Variants in MAST2 observed in about 807,000 individuals in gnomAD.
MAST2 encodes the protein microtubule associated serine/threonine kinase 2, also known as microtubule-associated serine/threonine-protein kinase 2.
Under a neutral mutation model 147.4 loss-of-function variants are expected in MAST2, and 70 were observed. The ratio of observed to expected loss-of-function variants is 0.47; its 90% confidence interval spans 0.39 to 0.58. The LOEUF is 0.58. MAST2 is among the 20% of genes least tolerant of loss of function. The probability of loss-of-function intolerance (pLI) is 0.00; values close to 1 mark genes in which losing one functional copy is unlikely to be tolerated. For synonymous variants in MAST2, 869 were observed against 896.8 expected, an observed-to-expected ratio of 0.97 and a Z score of 0.55; for missense variants, 2,080 against 2,302.3, an observed-to-expected ratio of 0.90 and a Z score of 1.98.
intron 4 of MAST2, among the ~76,000 whole-genome samples, chr1:45,899,307 CTTTTTTTTTTTT>C (rs770069959): frequency 1.9e-5 from 2 of 108,030 alleles, no homozygotes; most frequent in African/African-American, 7.2e-5. Flanking sequence ...CCTTTCTTTT[CTTTTTTTTTTTT>C]TTTTTTTTAG....
At chr1:46,018,414 G>T (rs764863309) in intron 10 of MAST2, among the ~76,000 whole-genome samples, 1 of 152,072 alleles carries the variant, frequency 6.6e-6, no homozygotes, top group Admixed American at 6.6e-5. Flanking sequence ...TTGGTTGCAC[G>T]TAATAGAAAC....
intron 3 of MAST2, among the ~76,000 whole-genome samples, chr1:45,868,510 A>G (rs1646252222): frequency 1.3e-5 from 2 of 152,046 alleles, no homozygotes; most frequent in African/African-American, 4.8e-5. Context: ...ACTAAATTGT[A>G]TAGTATTTTT....
At chr1:45,927,720 C>T (rs1000221842) in intron 4 of MAST2, among the ~76,000 whole-genome samples, 3 of 152,032 alleles carry the variant, frequency 2.0e-5, no homozygotes, top group Non-Finnish European at 4.4e-5. Flanking sequence ...GGTCCTGAAG[C>T]GACATGCATC....
chr1:46,023,576 T>TCA lies in MAST2; in HGVS notation c.1572-195_1572-194dup. 1 of 628,072 alleles carries TCA rather than the reference T, an allele frequency of 1.6e-6. No homozygotes were observed. Among genetic ancestry groups the TCA allele is most frequent in the South Asian group, 2.0e-5 (1 of 50,716 alleles). 38.9% of individuals were successfully genotyped at this position (628,072 alleles called of 1,614,324 possible). A position where few individuals can be genotyped will look rare whatever the true frequency, so the allele number is the denominator to read the frequency against. ...AGCTCTGGGGAAGCATTGAGCCGTG[T>TCA]CATCAGGACATGGTCTATCAAGAAG... On this transcript the variant is annotated intron_variant, in intron 14 of 28. Coordinates refer to ENST00000361297, the MANE Select transcript of MAST2 (RefSeq NM_015112.3). This position sits in a 1 kb window ranked among gnomAD's most constrained non-coding sequence, Gnocchi z 4.9.
At chr1:45,889,570 A>G (rs1292190499) in intron 4 of MAST2, among the ~76,000 whole-genome samples, 6 of 152,054 alleles carry the variant, frequency 3.9e-5, no homozygotes, top group East Asian at 1.9e-4. Context: ...TGTTTTACAC[A>G]ATGTGTTCTC....
chr1:45,996,222 A>G (rs924985197), intron 5 of MAST2, among the ~76,000 whole-genome samples: 3 of 151,694 alleles, frequency 2.0e-5, no homozygotes, highest in Non-Finnish European at 4.4e-5. Context: ...TCATTGTAGG[A>G]TGCTCATGTC....
chr1:46,009,697 AG>A (rs1645636191), intron 9 of MAST2, among the ~76,000 whole-genome samples: 1 of 152,216 alleles, frequency 6.6e-6, no homozygotes, highest in African/African-American at 2.4e-5. Flanking sequence ...TCCTTCCTAT[AG>A]GATGAACTAT....
At chr1:45,988,540 A>AC (rs1205032173) in intron 5 of MAST2, among the ~76,000 whole-genome samples, 2 of 152,168 alleles carry the variant, frequency 1.3e-5, no homozygotes, top group African/African-American at 4.8e-5. Flanking sequence ...TTCAGTGTTC[A>AC]CCTGAAAAGA....
intron 5 of MAST2, among the ~76,000 whole-genome samples, chr1:45,985,578 A>G (rs1261457365): frequency 2.6e-5 from 4 of 152,206 alleles, no homozygotes; most frequent in Admixed American, 1.3e-4. Flanking sequence ...GGAGTTATAT[A>G]GTATGTACTG....
rs1457274617 is a variant in MAST2 at position 46,030,253 on chromosome 1, G to GC, written c.2553+18dup. The GC allele has an allele frequency of 2.5e-6, 4 of 1,610,912 alleles. No individual in the cohort carries two copies. The African/African-American group carries it at 4.0e-5, about 16-fold the overall frequency. ...GGTTCAACAAGGTGTGACTGAGGAG[G>GC]CCCAGAATGGGCAGAACAGGCTGGA... On this transcript the variant is annotated intron_variant, in intron 21 of 28. Transcript: ENST00000361297.
intron 4 of MAST2, chr1:45,913,679 A>T: frequency 5.1e-5 from 52 of 1,024,572 alleles, no homozygotes; most frequent in Non-Finnish European, 6.1e-5. Flanking sequence ...TGTTCTGAAG[A>T]TCATGTTTTT....
intron 1 of MAST2, among the ~76,000 whole-genome samples, chr1:45,810,375 G>A (rs867923730): frequency 1.3e-5 from 2 of 152,278 alleles, no homozygotes; most frequent in Middle Eastern, 3.4e-3. Flanking sequence ...AGGGCAGAAA[G>A]CACACAGAAG....
chr1:45,882,343 T>G (rs113845528), intron 3 of MAST2, 21 bp from the exon 4 acceptor site: 1 of 1,603,004 alleles, frequency 6.2e-7, no homozygotes, highest in Non-Finnish European at 8.5e-7. Flanking sequence ...ATTTCTAACT[T>G]GCATATGTTT....
intron 5 of MAST2, among the ~76,000 whole-genome samples, chr1:45,986,271 T>C (rs1644610676): frequency 6.6e-6 from 1 of 152,230 alleles, no homozygotes; most frequent in African/African-American, 2.4e-5. Context: ...ATTTTCTATG[T>C]CTAATGAGAT....
chr1:45,917,457 C>G lies in MAST2; in HGVS notation c.500+35062C>G, dbSNP rs749446385. 5 of 1,366,586 alleles carry G rather than the reference C, an allele frequency of 3.7e-6. No individual in the cohort carries two copies. The South Asian group carries it at 5.7e-5, about 16-fold the overall frequency. 84.7% of individuals were successfully genotyped at this position (1,366,586 alleles called of 1,614,324 possible). On this transcript the variant is annotated intron_variant, in intron 4 of 28. Coordinates refer to ENST00000361297, the MANE Select transcript of MAST2 (RefSeq NM_015112.3). ...TGCTGATTGTGCTTTGGCTACTTCT[C>G]CTCTTGCCATTTTCCTGAACCCACG...
chr1:46,007,076 G>A (rs974117271), intron 8 of MAST2, among the ~76,000 whole-genome samples: 4 of 152,172 alleles, frequency 2.6e-5, no homozygotes, highest in African/African-American at 4.8e-5. Flanking sequence ...ATTAATTTTC[G>A]ATTCTCTTTG....
chr1:45,897,354 G>A (rs760692701), intron 4 of MAST2, among the ~76,000 whole-genome samples: 2 of 152,196 alleles, frequency 1.3e-5, no homozygotes, highest in Non-Finnish European at 2.9e-5. Flanking sequence ...CCCCAGTAAT[G>A]TTCTTAGGAA....
intron 4 of MAST2, among the ~76,000 whole-genome samples, chr1:45,943,706 G>A (rs1279168306): frequency 2.0e-5 from 3 of 151,942 alleles, no homozygotes; most frequent in East Asian, 3.9e-4. Context: ...AGATCATGCC[G>A]TTGCACTCCA....
intron 4 of MAST2, among the ~76,000 whole-genome samples, chr1:45,941,002 G>A (rs1316513193): frequency 4.6e-5 from 7 of 152,148 alleles, no homozygotes; most frequent in African/African-American, 1.4e-4. Flanking sequence ...TTAGAAGCTG[G>A]CAAGCTCTGA....
Sources: allele counts gnomAD v4.1 joint callset (sites outside exome capture counted in the v4.1 genomes callset), GRCh38; gene constraint gnomAD v4.1.1; non-coding constraint Gnocchi (gnomAD v3.1); transcripts MANE v1.5; gene names NCBI Gene and HGNC (gene_info 2026-07-23, HGNC 2026-07-21).